CNTNAP5: variants seen among roughly 807,000 people sequenced by gnomAD.
The protein encoded by CNTNAP5 is contactin-associated protein-like 5.
Under a neutral mutation model 150.2 loss-of-function variants are expected in CNTNAP5, and 72 were observed. The observed-to-expected ratio is 0.48, with a 90% CI of 0.40 to 0.58. CNTNAP5 has a LOEUF of 0.58. Among genes scored for constraint, CNTNAP5 ranks in the 20% least tolerant of loss-of-function variants. CNTNAP5 has a pLI of 0.00. For missense variants in CNTNAP5, 1,636 were observed against 1,626.2 expected (o/e 1.01, Z -0.10); for synonymous variants, 672 against 619.8 (o/e 1.08, Z -1.25).
At chr2:124,112,617 A>G (rs948564562) in intron 1 of CNTNAP5, among the ~76,000 whole-genome samples, 4 of 152,166 alleles carry the variant, frequency 2.6e-5, no homozygotes, top group Non-Finnish European at 5.9e-5. Flanking sequence ...AATATTTAGC[A>G]TGATGATTTG....
intron 19 of CNTNAP5, among the ~76,000 whole-genome samples, chr2:124,837,185 A>C (rs941469370): frequency 7.2e-5 from 11 of 152,130 alleles, no homozygotes; most frequent in African/African-American, 2.4e-4. Flanking sequence ...ACTATCAAAA[A>C]AAAAAAAAGG....
intron 1 of CNTNAP5, among the ~76,000 whole-genome samples, chr2:124,059,577 C>CG (rs1573724537): frequency 6.6e-6 from 1 of 151,890 alleles, no homozygotes; most frequent in East Asian, 1.9e-4. Context: ...TTGTCATACA[C>CG]GGCACATATT....
At chr2:124,772,588 G>A (rs1681227562) in intron 16 of CNTNAP5, among the ~76,000 whole-genome samples, 1 of 152,124 alleles carries the variant, frequency 6.6e-6, no homozygotes, top group African/African-American at 2.4e-5. Context: ...TCCTGAATTT[G>A]CAAACGTAGC....
rs561359023 is a variant in CNTNAP5 at position 124,465,227 on chromosome 2, C to A, written c.919-9512C>A. Among the ~76,000 whole-genome samples, 8 of 152,232 alleles carry A rather than the reference C, an allele frequency of 5.3e-5. No individual in the cohort carries two copies. The East Asian group carries it at 1.5e-3, about 29-fold the overall frequency. On this transcript the variant is annotated intron_variant, in intron 6 of 23. Transcript: ENST00000682447. ...CTCATGCATTTAACATCAATGCAGG[C>A]TTTCTCCGGGGATTTATCCTGTTGG...
chr2:124,568,872 C>T (rs1224479563), intron 11 of CNTNAP5, among the ~76,000 whole-genome samples: 3 of 151,986 alleles, frequency 2.0e-5, no homozygotes, highest in African/African-American at 7.3e-5. Flanking sequence ...GGTGAAACCC[C>T]GTCTCTACTA....
intron 7 of CNTNAP5, among the ~76,000 whole-genome samples, chr2:124,478,117 CA>C (rs985545509): frequency 1.4e-5 from 2 of 147,764 alleles, no homozygotes; most frequent in East Asian, 2.0e-4. Context: ...ATAAGCAGAG[CA>C]AAAAAAAGGA....
At chr2:124,069,148 A>G in intron 1 of CNTNAP5, among the ~76,000 whole-genome samples, 1 of 151,948 alleles carries the variant, frequency 6.6e-6, no homozygotes, top group East Asian at 2.0e-4. Flanking sequence ...CAGCATTCAC[A>G]AGGGCCTTAA....
rs571315392 is a variant in CNTNAP5, at chr2:124,599,098, C to T, written c.1757-10703C>T. Among the ~76,000 whole-genome samples the T allele has an allele frequency of 2.4e-3, 363 of 152,206 alleles. 1 individual carries two copies. The highest frequency in any genetic ancestry group is 4.2e-3 in the Non-Finnish European group (285 of 68,018). On this transcript the variant is annotated intron_variant, in intron 11 of 23. Transcript: ENST00000682447. Reference sequence around the variant, plus strand: ...CTCAGATGGAAATGCAGAAATCACCCGTCTTCTGCGTCGCTCACGCTGGGA... The same window carrying T: ...CTCAGATGGAAATGCAGAAATCACCTGTCTTCTGCGTCGCTCACGCTGGGA...
At chr2:124,183,637 ATATTTCATTGCAACCC>A (rs1405847671) in intron 1 of CNTNAP5, among the ~76,000 whole-genome samples, 1 of 152,222 alleles carries the variant, frequency 6.6e-6, no homozygotes, top group East Asian at 1.9e-4. Context: ...CACAGTTAAT[ATATTTCATTGCAACCC>A]TCAGGTGTTC....
rs1689925684 is a variant in CNTNAP5 at position 124,353,539 on chromosome 2, A to G, written c.382-63904A>G. Among the ~76,000 whole-genome samples the G allele has an allele frequency of 2.0e-5, 3 of 152,172 alleles. No homozygotes were observed. In the South Asian group the frequency reaches 6.2e-4, roughly 32 times the overall value. ...CAATGCATATTTTACACAGAAAACTATAAGCCTGTCCCATTTCAGGTCTGC... is the reference window on the plus strand; with the variant it reads ...CAATGCATATTTTACACAGAAAACTGTAAGCCTGTCCCATTTCAGGTCTGC... On this transcript the variant is annotated intron_variant, in intron 3 of 23. Transcript: ENST00000682447.
At position 124,919,337 on chromosome 2, in the gene CNTNAP5, T is replaced by G. The variant is rs572553897; in HGVS notation, c.*5049T>G. Among the ~76,000 whole-genome samples the G allele has an allele frequency of 6.4e-4, 98 of 152,280 alleles. No individual in the cohort carries two copies. The highest frequency in any genetic ancestry group is 2.3e-3 in the African/African-American group (96 of 41,578). On this transcript the variant is annotated 3_prime_UTR_variant, in exon 24 of 24. Transcript: ENST00000682447. ...TATCTTATTTTGCACTAAGGTACTC[T>G]GAGGAAGAACAGAAAAGCACATTTT...
chr2:124,317,026 A>G (rs955042872), intron 3 of CNTNAP5, among the ~76,000 whole-genome samples: 3 of 152,046 alleles, frequency 2.0e-5, no homozygotes, highest in African/African-American at 7.2e-5. Context: ...TAGAAAGGTT[A>G]TGTTGAGCAT....
chr2:124,350,579 T>A (rs1299294623), intron 3 of CNTNAP5, among the ~76,000 whole-genome samples: 1 of 151,946 alleles, frequency 6.6e-6, no homozygotes, highest in African/African-American at 2.4e-5. Context: ...ATTTAAAATC[T>A]ACCCCCGCAA....
chr2:124,628,615 C>T (rs1210411575), intron 12 of CNTNAP5, among the ~76,000 whole-genome samples: 1 of 152,196 alleles, frequency 6.6e-6, no homozygotes, highest in Non-Finnish European at 1.5e-5. Flanking sequence ...CAAAAACACA[C>T]TGAAGTACAC....
At chr2:124,205,954 G>C (rs563014075) in intron 1 of CNTNAP5, among the ~76,000 whole-genome samples, 95 of 152,294 alleles carry the variant, frequency 6.2e-4, no homozygotes, top group African/African-American at 2.3e-3. Flanking sequence ...TTCTAAAAGT[G>C]GGCCTTTAGT....
chr2:124,224,786 A>G (rs1686415731), intron 2 of CNTNAP5, among the ~76,000 whole-genome samples: 1 of 152,152 alleles, frequency 6.6e-6, no homozygotes, highest in East Asian at 1.9e-4. Context: ...GTGGAAAAAT[A>G]TAACATTTAG....
chr2:124,035,699 AT>A (rs1465338126), intron 1 of CNTNAP5, among the ~76,000 whole-genome samples: 3 of 152,052 alleles, frequency 2.0e-5, no homozygotes, highest in Non-Finnish European at 1.5e-5. Flanking sequence ...ATAATAAAAT[AT>A]TTTCCCCAAA....
At chr2:124,047,156 CTATTTACATCTATTAGTGCCT>C (rs1334701815) in intron 1 of CNTNAP5, among the ~76,000 whole-genome samples, 2 of 152,154 alleles carry the variant, frequency 1.3e-5, no homozygotes, top group African/African-American at 4.8e-5. Flanking sequence ...CAATACCGAG[CTATTTACATCTATTAGTGCCT>C]TAATCTTCAT....
At chr2:124,821,029 G>T (rs997952704) in intron 19 of CNTNAP5, among the ~76,000 whole-genome samples, 4 of 152,196 alleles carry the variant, frequency 2.6e-5, no homozygotes, top group African/African-American at 9.7e-5. Context: ...AAGTTGGAGG[G>T]TTATTCCCAA....
Sources: allele counts gnomAD v4.1 joint callset (sites outside exome capture counted in the v4.1 genomes callset), GRCh38; gene constraint gnomAD v4.1.1; transcripts MANE v1.5; gene names NCBI Gene and HGNC (gene_info 2026-07-23, HGNC 2026-07-21).